SSBP2: variants seen among roughly 807,000 people sequenced by gnomAD.
The protein encoded by SSBP2 is single stranded DNA binding protein 2.
In SSBP2, 17 loss-of-function variants were observed where a neutral mutation model predicts 61.8. That is an observed-to-expected ratio of 0.28 (90% CI 0.19 to 0.41). SSBP2 has a LOEUF of 0.41. SSBP2 is among the 10% of genes least tolerant of loss of function. The pLI is 1.00. For missense variants in SSBP2, 310 were observed against 458.7 expected (o/e 0.68, Z 2.96); for synonymous variants, 139 against 141.3 (o/e 0.98, Z 0.12).
intron 10 of SSBP2, among the ~76,000 whole-genome samples, chr5:81,451,153 A>G (rs1763740795): frequency 6.6e-6 from 1 of 152,194 alleles, no homozygotes; most frequent in Non-Finnish European, 1.5e-5. Context: ...AGCTCATGAA[A>G]TTCCTGAATA....
chr5:81,531,229 G>GAAAAAAAA (rs71000841), intron 4 of SSBP2, among the ~76,000 whole-genome samples: 1 of 118,312 alleles, frequency 8.5e-6, no homozygotes, highest in African/African-American at 3.1e-5. Context: ...ACCCTGTCTG[G>GAAAAAAAA]AAAAAAAAAA....
At chr5:81,703,132 T>C (rs565889168) in intron 1 of SSBP2, among the ~76,000 whole-genome samples, 1 of 152,358 alleles carries the variant, frequency 6.6e-6, no homozygotes, top group African/African-American at 2.4e-5. Context: ...GATTAAATGG[T>C]AAAGCAGTTT....
chr5:81,548,372 T>C (rs904595666), intron 4 of SSBP2, among the ~76,000 whole-genome samples: 16 of 152,296 alleles, frequency 1.1e-4, no homozygotes, highest in African/African-American at 2.6e-4. Context: ...GAGGGGTATA[T>C]GGGAAACCTC....
chr5:81,687,493 A>T (rs1366619285), intron 1 of SSBP2, among the ~76,000 whole-genome samples: 1 of 152,182 alleles, frequency 6.6e-6, no homozygotes, highest in Non-Finnish European at 1.5e-5. Context: ...AGGGCATATG[A>T]CCCAGTGAGA....
At chr5:81,637,338 T>C (rs574409782) in intron 2 of SSBP2, among the ~76,000 whole-genome samples, 1 of 152,258 alleles carries the variant, frequency 6.6e-6, no homozygotes, top group East Asian at 1.9e-4. Flanking sequence ...GCCCTAGTGA[T>C]TGCTCACTGA....
intron 6 of SSBP2, among the ~76,000 whole-genome samples, chr5:81,477,680 T>C (rs775831847): frequency 8.6e-5 from 13 of 151,922 alleles, no homozygotes; most frequent in Non-Finnish European, 1.6e-4. Flanking sequence ...TGTGTTTTTA[T>C]AGGATCATAT....
chr5:81,429,038 A>G (rs1476361690), intron 15 of SSBP2, among the ~76,000 whole-genome samples: 5 of 152,202 alleles, frequency 3.3e-5, no homozygotes, highest in Non-Finnish European at 5.9e-5. Flanking sequence ...CTACCCACTG[A>G]TAAGGCAAGA....
rs1763575729 is a variant in SSBP2, at chr5:81,448,816, A to G, written c.697T>C (p.Ser233Pro). 1.2e-6 allele frequency: 2 copies of G among 1,613,294 alleles called. No homozygotes were observed. The highest frequency in any genetic ancestry group is 1.7e-6 in the Non-Finnish European group (2 of 1,179,646). The change falls in exon 11 of 17, where the codon TCC becomes CCC. Residue 233 changes from serine (S) to proline (P), a missense_variant. By Grantham distance (74) the Ser-to-Pro change is moderately conservative. Transcript: ENST00000320672. ...ACATAATTCCCAGGAGATGCTGAGG[A>G]GTATGGTATCTGGAACACGAATAGG...
At chr5:81,485,837 C>G (rs1410229418) in intron 6 of SSBP2, among the ~76,000 whole-genome samples, 2 of 152,072 alleles carry the variant, frequency 1.3e-5, no homozygotes, top group African/African-American at 4.8e-5. Flanking sequence ...CTACATAATT[C>G]CAATTAATCA....
chr5:81,616,727 G>C (rs1746090188), intron 3 of SSBP2: 1 of 148,872 alleles, frequency 6.7e-6, no homozygotes, highest in Admixed American at 6.7e-5. Context: ...AGAGAGCAGT[G>C]GTTCTCCCAG....
intron 6 of SSBP2, among the ~76,000 whole-genome samples, chr5:81,481,390 G>A (rs1473141371): frequency 6.6e-6 from 1 of 152,060 alleles, no homozygotes; most frequent in East Asian, 1.9e-4. Context: ...GGGAGGCCGA[G>A]GGGGGTGGAT....
chr5:81,636,689 T>G, intron 2 of SSBP2, 71 bp from the exon 3 acceptor site: 2 of 1,141,316 alleles, frequency 1.8e-6, no homozygotes, highest in Non-Finnish European at 2.5e-6. Flanking sequence ...AGTAATAATA[T>G]CCCCATTTAA....
chr5:81,634,185 CG>C (rs1234994482), intron 3 of SSBP2, among the ~76,000 whole-genome samples: 1 of 152,184 alleles, frequency 6.6e-6, no homozygotes, highest in African/African-American at 2.4e-5. Flanking sequence ...AAGCTATTCT[CG>C]CTGAAGCCTG....
chr5:81,461,837 A>G (rs1328881195), intron 9 of SSBP2, among the ~76,000 whole-genome samples: 1 of 152,230 alleles, frequency 6.6e-6, no homozygotes, highest in African/African-American at 2.4e-5. Context: ...GAGTTTTTAA[A>G]GTAAAATTAA....
At chr5:81,678,192 G>A (rs921394466) in intron 1 of SSBP2, among the ~76,000 whole-genome samples, 1 of 152,140 alleles carries the variant, frequency 6.6e-6, no homozygotes, top group Non-Finnish European at 1.5e-5. Context: ...GATGGATAAT[G>A]TAAGAAGAGA....
chr5:81,610,122 G>T (rs970340198), intron 4 of SSBP2, among the ~76,000 whole-genome samples: 16 of 152,218 alleles, frequency 1.1e-4, no homozygotes, highest in African/African-American at 3.6e-4. Flanking sequence ...GCCCAGCCCA[G>T]CCACAGACTG....
At chr5:81,583,482 T>G (rs373042637) in intron 4 of SSBP2, among the ~76,000 whole-genome samples, 1 of 151,894 alleles carries the variant, frequency 6.6e-6, no homozygotes, top group Non-Finnish European at 1.5e-5. Flanking sequence ...GCAAAAAAAT[T>G]AGCTGGGCAT....
intron 1 of SSBP2, among the ~76,000 whole-genome samples, chr5:81,690,869 T>C (rs902865687): frequency 6.6e-6 from 1 of 152,142 alleles, no homozygotes; most frequent in African/African-American, 2.4e-5. Context: ...ATCAAATAAC[T>C]TCTTTGACCA....
At chr5:81,527,774 A>C (rs1770063559) in intron 4 of SSBP2, among the ~76,000 whole-genome samples, 1 of 151,764 alleles carries the variant, frequency 6.6e-6, no homozygotes, top group African/African-American at 2.4e-5. Context: ...ATTAGGACAA[A>C]TACCTAATGC....
Sources: allele counts gnomAD v4.1 joint callset (sites outside exome capture counted in the v4.1 genomes callset), GRCh38; gene constraint gnomAD v4.1.1; transcripts MANE v1.5; gene names NCBI Gene and HGNC (gene_info 2026-07-23, HGNC 2026-07-21).